The following CUX1 variants were observed in gnomAD, a reference collection of about 807,000 sequenced individuals.
The protein encoded by CUX1 is cut like homeobox 1.
Under a neutral mutation model 158.8 loss-of-function variants are expected in CUX1, and 31 were observed. That is an observed-to-expected ratio of 0.20 (90% confidence interval 0.15 to 0.26). The LOEUF (loss-of-function observed/expected upper bound fraction) is 0.26. Among genes scored for constraint, CUX1 ranks in the 10% least tolerant of loss-of-function variants. The pLI is 1.00. For synonymous variants in CUX1, 879 were observed against 862.1 expected (o/e 1.02, Z -0.34); for missense variants, 1,589 against 2,014.6 (o/e 0.79, Z 4.04).
intron 18 of CUX1, among the ~76,000 whole-genome samples, chr7:102,278,674 T>G (rs925706538): frequency 2.3e-4 from 28 of 124,338 alleles, no homozygotes; most frequent in Non-Finnish European, 4.3e-4. Context: ...AAATAAAATA[T>G]AAAATAAAAT....
rs532863298 is a variant in CUX1 at position 102,200,105 on chromosome 7, T to G, written c.1995T>G (p.Thr665=). The stretch of plus-strand genomic sequence containing the variant: ...CCACCCGGATCCGAGCCTCGGAGAC[T>G]GGCTCTGATGAAGCCATCAAGTCCA... The part of the protein sequence containing the change: ...NITTRIRASE[T]GSDEAIKSIL... The change falls in exon 17 of 24, where the codon ACT becomes ACG. Residue 665 remains threonine (T), a synonymous_variant. Coordinates refer to ENST00000292535, the MANE Select transcript of CUX1 (RefSeq NM_181552.4). The G allele has an allele frequency of 2.7e-5, 43 of 1,613,576 alleles. No individual in the cohort carries two copies. The South Asian group carries it at 4.6e-4, about 17-fold the overall frequency.
In CUX1 at chr7:101,990,521, T is replaced by C. The variant is rs181053139; in HGVS notation, c.142-37577T>C. ...CCTCCCAAGTAGCTGGGATTACAAG[T>C]GCCCACCACCATGTCTGGCTAATTT... On this transcript the variant is annotated intron_variant, in intron 2 of 23. Coordinates refer to ENST00000292535, the MANE Select transcript of CUX1 (RefSeq NM_181552.4). 4.0e-3 allele frequency among the ~76,000 whole-genome samples: 603 copies of C among 152,176 alleles called. 7 individuals carry two copies. The highest frequency in any genetic ancestry group is 0.014 in the African/African-American group (586 of 41,528).
chr7:101,867,783 C>T (rs528399196), intron 1 of CUX1, among the ~76,000 whole-genome samples: 137 of 152,042 alleles, frequency 9.0e-4, no homozygotes, highest in African/African-American at 3.0e-3. Context: ...ATGATCACCA[C>T]GGAAAATCAA....
chr7:102,207,911 C>A (rs1245846903), intron 20 of CUX1, among the ~76,000 whole-genome samples: 6 of 152,238 alleles, frequency 3.9e-5, no homozygotes, highest in African/African-American at 1.4e-4. Flanking sequence ...AAGGGAGTTT[C>A]ACACAGAGGC....
chr7:101,995,850 C>T (rs1456440341), intron 2 of CUX1, among the ~76,000 whole-genome samples: 8 of 151,978 alleles, frequency 5.3e-5, no homozygotes, highest in Admixed American at 1.3e-4. Context: ...CGGTGGCTCA[C>T]GACAGTCCTC....
At chr7:101,874,605 A>T (rs988380765) in intron 1 of CUX1, among the ~76,000 whole-genome samples, 2 of 152,130 alleles carry the variant, frequency 1.3e-5, no homozygotes, top group African/African-American at 4.8e-5. Context: ...CTGGTTTTTC[A>T]GGGAGAAGTC....
chr7:101,868,764 A>G (rs1798181008), intron 1 of CUX1, among the ~76,000 whole-genome samples: 1 of 152,212 alleles, frequency 6.6e-6, no homozygotes, highest in South Asian at 2.1e-4. Context: ...GGAGTGATGG[A>G]GAGAGGCTCC....
chr7:102,152,582 G>C (rs1302711584), intron 8 of CUX1, among the ~76,000 whole-genome samples: 1 of 152,142 alleles, frequency 6.6e-6, no homozygotes, highest in African/African-American at 2.4e-5. Flanking sequence ...AGTAGAAACG[G>C]GGTTTCACCA....
intron 2 of CUX1, among the ~76,000 whole-genome samples, chr7:101,968,568 G>A (rs532164577): frequency 2.0e-5 from 3 of 152,142 alleles, no homozygotes; most frequent in African/African-American, 4.8e-5. Flanking sequence ...GGTTACAGGC[G>A]CGTACCACCG....
At chr7:101,879,457 T>C (rs1799489237) in intron 1 of CUX1, among the ~76,000 whole-genome samples, 1 of 152,252 alleles carries the variant, frequency 6.6e-6, no homozygotes, top group Admixed American at 6.5e-5. Flanking sequence ...TTTCGCTTTA[T>C]TGTTCTAAAT....
intron 1 of CUX1, among the ~76,000 whole-genome samples, chr7:101,879,765 G>T (rs1584862266): frequency 6.6e-6 from 1 of 152,384 alleles, no homozygotes; most frequent in Non-Finnish European, 1.5e-5. Flanking sequence ...TGGAGCTCCA[G>T]CATTGATTCC....
intron 2 of CUX1, among the ~76,000 whole-genome samples, chr7:101,982,989 G>A (rs114297015): frequency 0.011 from 1,603 of 150,792 alleles, 27 homozygotes; most frequent in African/African-American, 0.037. Context: ...GGGTCTAAGC[G>A]CTTTGTGAGT....
chr7:102,045,127 C>T (rs1385188514), intron 3 of CUX1, among the ~76,000 whole-genome samples: 1 of 152,188 alleles, frequency 6.6e-6, no homozygotes, highest in African/African-American at 2.4e-5. Flanking sequence ...CATGATGGCT[C>T]AATTAGGGAC....
chr7:102,105,504 CTTTTT>C (rs781922611), intron 6 of CUX1, among the ~76,000 whole-genome samples: 1 of 85,878 alleles, frequency 1.2e-5, no homozygotes, highest in Non-Finnish European at 2.1e-5. Context: ...CCATATAGAT[CTTTTT>C]TTTTTTTTTT....
At chr7:101,888,637 T>C (rs1381258225) in intron 1 of CUX1, among the ~76,000 whole-genome samples, 1 of 152,134 alleles carries the variant, frequency 6.6e-6, no homozygotes, top group Non-Finnish European at 1.5e-5. Context: ...TCACCTAGGC[T>C]GGAGTGCGGT....
intron 20 of CUX1, among the ~76,000 whole-genome samples, chr7:102,212,156 A>G (rs1554523351): frequency 6.6e-6 from 1 of 152,130 alleles, no homozygotes; most frequent in African/African-American, 2.4e-5. Flanking sequence ...TATGCAGGAG[A>G]ACATGGGTAT....
intron 8 of CUX1, among the ~76,000 whole-genome samples, chr7:102,146,828 A>G (rs1021282771): frequency 6.6e-6 from 1 of 151,930 alleles, no homozygotes; most frequent in Non-Finnish European, 1.5e-5. Context: ...AAACTCCTGA[A>G]CTCAAGTGAT....
At chr7:102,016,785 G>A (rs1818645683) in intron 2 of CUX1, among the ~76,000 whole-genome samples, 2 of 152,100 alleles carry the variant, frequency 1.3e-5, no homozygotes, top group African/African-American at 2.4e-5. Context: ...TTATTCTTAC[G>A]GATAGACTCC....
rs901820406 is a variant in CUX1, at chr7:102,252,993, G to A, written c.*3951G>A. On this transcript the variant is annotated 3_prime_UTR_variant, in exon 24 of 24. Coordinates refer to ENST00000292535, the MANE Select transcript of CUX1 (RefSeq NM_181552.4). ...AGAAATGCCAGGATCGTGGCTCACA[G>A]GGACCCACCATCAAAACCTGCTACT... 2 of 985,334 alleles carry A rather than the reference G, an allele frequency of 2.0e-6. No individual in the cohort carries two copies. Among genetic ancestry groups the A allele is most frequent in the African/African-American group, 3.5e-5 (2 of 57,234 alleles). The allele number at this position is 985,334 out of a possible 1,614,324, so 61.0% of individuals were successfully genotyped here. A position where few individuals can be genotyped will look rare whatever the true frequency, so the allele number is the denominator to read the frequency against.
Sources: allele counts gnomAD v4.1 joint callset (sites outside exome capture counted in the v4.1 genomes callset), GRCh38; gene constraint gnomAD v4.1.1; transcripts MANE v1.5; gene names NCBI Gene and HGNC (gene_info 2026-07-23, HGNC 2026-07-21).